The following GLG1 variants were observed in gnomAD, a reference collection of about 807,000 sequenced individuals.
GLG1 encodes golgi glycoprotein 1, also known as Golgi apparatus protein 1.
In GLG1, 38 loss-of-function variants were observed where a neutral mutation model predicts 160.5. The observed-to-expected ratio is 0.24, with a 90% CI of 0.18 to 0.31. The LOEUF is 0.31. Ranked by LOEUF, GLG1 falls within the 10% of genes least tolerant of loss-of-function variation. GLG1 has a pLI of 1.00. For synonymous variants in GLG1, 644 were observed against 543.4 expected (o/e 1.19, Z -2.57); for missense variants, 1,373 against 1,505.2 (o/e 0.91, Z 1.45).
chr16:74,512,273 TA>T (rs368505481), intron 2 of GLG1, among the ~76,000 whole-genome samples: 362 of 135,046 alleles, frequency 2.7e-3, no homozygotes, highest in Middle Eastern at 7.6e-3. Context: ...GAATCCATAT[TA>T]AAAAAAAAAA....
chr16:74,469,315 T>G, intron 16 of GLG1: 1 of 537,420 alleles, frequency 1.9e-6, no homozygotes, highest in Non-Finnish European at 3.4e-6. Flanking sequence ...AGGGCACATG[T>G]GTGCAACGAC....
At position 74,493,937 on chromosome 16, in the gene GLG1, G is replaced by GT. The variant is rs891162786; in HGVS notation, c.1051-798dup. Among the ~76,000 whole-genome samples the GT allele has an allele frequency of 9.2e-5, 14 of 151,920 alleles. 2 individuals are homozygous for GT. On this transcript the variant is annotated intron_variant, in intron 6 of 25. Coordinates refer to ENST00000422840, the MANE Select transcript of GLG1 (RefSeq NM_001145667.2). Reference sequence around the variant, plus strand: ...ACTGAGGATTTTATATAAAACCACAGTGAGAGGCGGGTGGATCACCTGAGG... The same window carrying GT: ...ACTGAGGATTTTATATAAAACCACAGTTGAGAGGCGGGTGGATCACCTGAGG...
intron 1 of GLG1, among the ~76,000 whole-genome samples, chr16:74,595,447 G>C (rs894846859): frequency 1.3e-5 from 2 of 151,890 alleles, no homozygotes; most frequent in African/African-American, 2.4e-5. Context: ...TGAGGCAGGA[G>C]AATGGCATGA....
At chr16:74,476,453 T>C (rs553460220) in intron 12 of GLG1, among the ~76,000 whole-genome samples, 9 of 152,318 alleles carry the variant, frequency 5.9e-5, no homozygotes, top group African/African-American at 1.4e-4. Flanking sequence ...TAGGCAACCA[T>C]GTTTCTCCTT....
At chr16:74,574,937 G>A (rs1191651373) in intron 1 of GLG1, among the ~76,000 whole-genome samples, 1 of 108,330 alleles carries the variant, frequency 9.2e-6, no homozygotes, top group Admixed American at 1.3e-4. Context: ...AGAGACAGGA[G>A]GAATCCATAT....
At chr16:74,487,985 A>G (rs976535341) in intron 8 of GLG1, among the ~76,000 whole-genome samples, 3 of 152,190 alleles carry the variant, frequency 2.0e-5, no homozygotes, top group Middle Eastern at 3.2e-3. Flanking sequence ...TGACTAGAGA[A>G]TAAGACTGGC....
At chr16:74,489,251 A>G (rs909476459) in intron 8 of GLG1, among the ~76,000 whole-genome samples, 1 of 151,998 alleles carries the variant, frequency 6.6e-6, no homozygotes, top group Non-Finnish European at 1.5e-5. Context: ...CGGGAAGATC[A>G]CCTGAGGTCC....
intron 3 of GLG1, among the ~76,000 whole-genome samples, chr16:74,508,629 A>C (rs2016697052): frequency 6.6e-6 from 1 of 152,168 alleles, no homozygotes; most frequent in Non-Finnish European, 1.5e-5. Flanking sequence ...CCTGATTTCC[A>C]ACTGCCTCAA....
At chr16:74,585,014 C>T (rs1216630668) in intron 1 of GLG1, among the ~76,000 whole-genome samples, 2 of 152,084 alleles carry the variant, frequency 1.3e-5, no homozygotes, top group East Asian at 3.9e-4. Flanking sequence ...AAAGAAAGAA[C>T]TTATTCATGT....
chr16:74,563,001 A>C (rs1156405945), intron 1 of GLG1: 4 of 152,214 alleles, frequency 2.6e-5, no homozygotes, highest in African/African-American at 7.2e-5. Context: ...ACGTAAAGCT[A>C]ACCAGTTAGA....
chr16:74,587,416 T>C (rs1223992039), intron 1 of GLG1, among the ~76,000 whole-genome samples: 2 of 152,196 alleles, frequency 1.3e-5, no homozygotes, highest in Non-Finnish European at 2.9e-5. Flanking sequence ...AAGAGTTCTG[T>C]ACTGAGAATG....
intron 23 of GLG1, 70 bp from the exon 24 acceptor site, chr16:74,458,064 A>C: frequency 7.0e-7 from 1 of 1,430,758 alleles, no homozygotes; most frequent in Non-Finnish European, 9.7e-7. Context: ...GTCTGTAAAT[A>C]CTTCATATAC....
At chr16:74,566,488 C>A (rs1167582454) in intron 1 of GLG1, among the ~76,000 whole-genome samples, 3 of 152,160 alleles carry the variant, frequency 2.0e-5, no homozygotes, top group Non-Finnish European at 2.9e-5. Flanking sequence ...ATATTTTAAT[C>A]CTTTAAAGAG....
chr16:74,571,801 C>A (rs765097960), intron 1 of GLG1, among the ~76,000 whole-genome samples: 9 of 151,832 alleles, frequency 5.9e-5, no homozygotes, highest in African/African-American at 1.2e-4. Flanking sequence ...GTGACAGAGA[C>A]CCTGTCTCAA....
intron 2 of GLG1, among the ~76,000 whole-genome samples, chr16:74,517,620 T>C (rs1434631612): frequency 6.6e-6 from 1 of 152,170 alleles, no homozygotes; most frequent in Non-Finnish European, 1.5e-5. Context: ...ACTAGAAGCA[T>C]TCCCTTTGAA....
chr16:74,506,029 TAA>T (rs59306961), intron 3 of GLG1, among the ~76,000 whole-genome samples: 142 of 92,490 alleles, frequency 1.5e-3, no homozygotes, highest in South Asian at 2.6e-3. Flanking sequence ...GACTCCATCT[TAA>T]AAAAAAAAAA....
At chr16:74,593,665 C>A (rs1335745364) in intron 1 of GLG1, among the ~76,000 whole-genome samples, 1 of 151,954 alleles carries the variant, frequency 6.6e-6, no homozygotes, top group Non-Finnish European at 1.5e-5. Flanking sequence ...AAACTCCTGA[C>A]CTCAGGTGAT....
intron 9 of GLG1, among the ~76,000 whole-genome samples, chr16:74,484,636 C>G (rs2015726387): frequency 6.6e-6 from 1 of 152,116 alleles, no homozygotes. Context: ...TGTCATGTGC[C>G]TGCAATCCCA....
intron 1 of GLG1, among the ~76,000 whole-genome samples, chr16:74,549,741 G>A (rs2018146900): frequency 6.6e-6 from 1 of 151,762 alleles, no homozygotes; most frequent in African/African-American, 2.4e-5. Flanking sequence ...AGCCTTAATA[G>A]TAATTTTATA....
Sources: allele counts gnomAD v4.1 joint callset (sites outside exome capture counted in the v4.1 genomes callset), GRCh38; gene constraint gnomAD v4.1.1; transcripts MANE v1.5; gene names NCBI Gene and HGNC (gene_info 2026-07-23, HGNC 2026-07-21).